STARD5: variants seen among roughly 807,000 people sequenced by gnomAD.
STARD5 encodes StAR related lipid transfer domain containing 5, also known as stAR-related lipid transfer protein 5.
STARD5 carries 26 observed loss-of-function variants against 24.6 expected under a neutral mutation model. The ratio of observed to expected loss-of-function variants is 1.06; its 90% CI spans 0.77 to 1.47. STARD5 has a LOEUF of 1.47. Among genes scored for constraint, STARD5 ranks in the 40% most tolerant of loss-of-function variants. The pLI is 0.00. For missense variants in STARD5, 254 were observed against 270.8 expected, an observed-to-expected ratio of 0.94 and a Z score of 0.44; for synonymous variants, 101 against 99.7, an observed-to-expected ratio of 1.01 and a Z score of -0.07.
At position 81,309,287 on chromosome 15, in the gene STARD5, C is replaced by T. The variant is rs1489940241; in HGVS notation, c.*3969G>A. 1 of 153,688 alleles carries T rather than the reference C, an allele frequency of 6.5e-6. No homozygotes were observed. The highest frequency in any genetic ancestry group is 2.4e-5 in the African/African-American group (1 of 41,490). The allele number at this position is 153,688 out of a possible 1,614,324, so 9.5% of individuals were successfully genotyped here. A position where few individuals can be genotyped will look rare whatever the true frequency, so the allele number is the denominator to read the frequency against. The stretch of plus-strand genomic sequence containing the variant: ...TGCAAAGGCTGGGACCACGTGAGAT[C>T]ATTCACTCATACATCTGGCCGTTGA... On this transcript the variant is annotated 3_prime_UTR_variant, in exon 6 of 6. Coordinates refer to ENST00000302824, the MANE Select transcript of STARD5 (RefSeq NM_181900.3).
intron 3 of STARD5, 80 bp from the exon 4 acceptor site, chr15:81,319,536 G>A (rs1260358997): frequency 1.1e-5 from 14 of 1,283,880 alleles, no homozygotes; most frequent in African/African-American, 2.9e-5. Context: ...CTCAAGGTCT[G>A]GGAAAGGTAC....
chr15:81,315,062 C>A (rs888412053), intron 5 of STARD5, among the ~76,000 whole-genome samples: 5 of 152,040 alleles, frequency 3.3e-5, no homozygotes, highest in African/African-American at 1.2e-4. Context: ...AGAGGGTGAA[C>A]TCCAGGGGAC....
chr15:81,311,965 C>T lies in STARD5; in HGVS notation c.*1291G>A, dbSNP rs1900879669. ...CATTTAAGAGACAGTCACCCCAGGACTCAAAAATAGGGAAGTAACAGTAAC... is the reference window on the plus strand; with the variant it reads ...CATTTAAGAGACAGTCACCCCAGGATTCAAAAATAGGGAAGTAACAGTAAC... On this transcript the variant is annotated 3_prime_UTR_variant, in exon 6 of 6. Coordinates refer to ENST00000302824, the MANE Select transcript of STARD5 (RefSeq NM_181900.3). The T allele has an allele frequency of 6.6e-6, 1 of 152,210 alleles. No homozygotes were observed. The highest frequency in any genetic ancestry group is 2.1e-4 in the South Asian group (1 of 4,830). 9.4% of individuals were successfully genotyped at this position (152,210 alleles called of 1,614,324 possible). A position where few individuals can be genotyped will look rare whatever the true frequency, so the allele number is the denominator to read the frequency against.
intron 3 of STARD5, among the ~76,000 whole-genome samples, chr15:81,321,608 CAAA>C (rs33955634): frequency 7.3e-6 from 1 of 137,786 alleles, no homozygotes; most frequent in African/African-American, 2.6e-5. Flanking sequence ...GATTCCGTCT[CAAA>C]AAAAAAAAAA....
At chr15:81,321,719 T>C (rs1405061901) in intron 3 of STARD5, among the ~76,000 whole-genome samples, 1 of 152,146 alleles carries the variant, frequency 6.6e-6, no homozygotes, top group Admixed American at 6.5e-5. Flanking sequence ...TAAACATGTA[T>C]TGTATTAGGA....
chr15:81,313,157 G>T lies in STARD5; in HGVS notation c.*99C>A. The T allele has an allele frequency of 7.3e-7, 1 of 1,361,500 alleles. No individual in the cohort carries two copies. Among genetic ancestry groups the T allele is most frequent in the Non-Finnish European group, 9.7e-7 (1 of 1,028,362 alleles). The allele number at this position is 1,361,500 out of a possible 1,614,324, so 84.3% of individuals were successfully genotyped here. ...AGTCCATCAGCTTGTTCCAAAGAGT[G>T]AACACAGGCCTCTGCGTGCTCCCAG... is the stretch of plus-strand genomic sequence containing the variant. On this transcript the variant is annotated 3_prime_UTR_variant, in exon 6 of 6. Coordinates refer to ENST00000302824, the MANE Select transcript of STARD5 (RefSeq NM_181900.3).
intron 3 of STARD5, among the ~76,000 whole-genome samples, chr15:81,321,744 C>A (rs1373927620): frequency 6.6e-6 from 1 of 152,050 alleles, no homozygotes; most frequent in East Asian, 1.9e-4. Flanking sequence ...ATTCAGAGGG[C>A]TATGTGGAAT....
chr15:81,317,673 C>T (rs936839838), intron 5 of STARD5, among the ~76,000 whole-genome samples: 20 of 152,180 alleles, frequency 1.3e-4, no homozygotes, highest in Admixed American at 6.5e-4. Context: ...GGTAGAAGGA[C>T]AGACCCCTTC....
At position 81,320,946 on chromosome 15, in the gene STARD5, C is replaced by T. The variant is rs148459129; in HGVS notation, c.282+1462G>A. On this transcript the variant is annotated intron_variant, in intron 3 of 5. Transcript: ENST00000302824. The stretch of plus-strand genomic sequence containing the variant: ...CATCCACCTATCATCGATCATCTAT[C>T]TATTTTAGAATTAGGATATTTGAGA... Among the ~76,000 whole-genome samples, 320 of 152,306 alleles carry T rather than the reference C, an allele frequency of 2.1e-3. 2 individuals are homozygous for T. The highest frequency in any genetic ancestry group is 7.3e-3 in the African/African-American group (305 of 41,562).
chr15:81,321,953 G>A (rs2141678234), intron 3 of STARD5, among the ~76,000 whole-genome samples: 1 of 152,344 alleles, frequency 6.6e-6, no homozygotes, highest in East Asian at 1.9e-4. Context: ...TAAACTAAAT[G>A]TTATTAATAG....
Position 81,311,375 on chromosome 15 carries a change from T to G in STARD5, c.*1881A>C, listed in dbSNP as rs543622594. The G allele has an allele frequency of 6.6e-6, 1 of 152,354 alleles. No homozygotes were observed. Among genetic ancestry groups the G allele is most frequent in the East Asian group, 1.9e-4 (1 of 5,188 alleles). 9.4% of individuals were successfully genotyped at this position (152,354 alleles called of 1,614,324 possible). A position where few individuals can be genotyped will look rare whatever the true frequency, so the allele number is the denominator to read the frequency against. ...GGTATTCCTGCCTCCATATTTTCTT[T>G]AAAAGACAAATCAAAGCAGATATAT... On this transcript the variant is annotated 3_prime_UTR_variant, in exon 6 of 6. Transcript: ENST00000302824.
chr15:81,322,596 G>C (rs186343583), intron 2 of STARD5, 56 bp from the exon 3 acceptor site: 1 of 1,612,142 alleles, frequency 6.2e-7, no homozygotes. Flanking sequence ...GTTATCTTGA[G>C]ATTGTATCTA....
chr15:81,317,351 T>C (rs775229464), intron 5 of STARD5, among the ~76,000 whole-genome samples: 9 of 152,178 alleles, frequency 5.9e-5, no homozygotes, highest in Non-Finnish European at 8.8e-5. Context: ...AATTCCTCTC[T>C]GTCAGACCCG....
intron 5 of STARD5, among the ~76,000 whole-genome samples, chr15:81,316,597 CA>C (rs1208366116): frequency 1.3e-5 from 2 of 152,190 alleles, no homozygotes; most frequent in Non-Finnish European, 2.9e-5. Context: ...GAAGTGCTTA[CA>C]ATAGTGGCTG....
intron 1 of STARD5, chr15:81,323,785 A>T: frequency 1.4e-6 from 1 of 708,574 alleles, no homozygotes; most frequent in South Asian, 1.7e-5. Context: ...CACTGAGTGA[A>T]AGGAACAGAT....
chr15:81,321,050 T>C (rs1447850006), intron 3 of STARD5, among the ~76,000 whole-genome samples: 2 of 152,226 alleles, frequency 1.3e-5, no homozygotes, highest in African/African-American at 4.8e-5. Flanking sequence ...CACTAAATGA[T>C]AAAGAGCTAC....
rs1272101870 is a variant in STARD5 at position 81,312,821 on chromosome 15, G to GC, written c.*434_*435insG. ...GCTGCAGCACAGGACTGAGGGAGCG[G>GC]TACATGCTTAAAAGGCAACAGGGCC... On this transcript the variant is annotated 3_prime_UTR_variant, in exon 6 of 6. Coordinates refer to ENST00000302824, the MANE Select transcript of STARD5 (RefSeq NM_181900.3). The GC allele has an allele frequency of 6.5e-6, 1 of 153,334 alleles. No individual in the cohort carries two copies. The highest frequency in any genetic ancestry group is 1.5e-5 in the Non-Finnish European group (1 of 68,618). 9.5% of individuals were successfully genotyped at this position (153,334 alleles called of 1,614,324 possible).
intron 5 of STARD5, among the ~76,000 whole-genome samples, chr15:81,315,979 C>T (rs1178611456): frequency 2.6e-5 from 4 of 152,128 alleles, no homozygotes; most frequent in African/African-American, 9.7e-5. Context: ...GGAAAGTCCC[C>T]AACAGGCTGC....
Position 81,323,983 on chromosome 15 carries a change from G to T in STARD5, c.99+18C>A. 6.3e-7 allele frequency: 1 copy of T among 1,576,542 alleles called. No individual in the cohort carries two copies. The highest frequency in any genetic ancestry group is 2.3e-5 in the East Asian group (1 of 43,152). The stretch of plus-strand genomic sequence containing the variant: ...GAAGCCGTCTCCGCGACCCCTTCCC[G>T]CCCAGCTCCTCACTCACGCCTTCCC... On this transcript the variant is annotated intron_variant, in intron 1 of 5. Transcript: ENST00000302824.
Sources: allele counts gnomAD v4.1 joint callset (sites outside exome capture counted in the v4.1 genomes callset), GRCh38; gene constraint gnomAD v4.1.1; transcripts MANE v1.5; gene names NCBI Gene and HGNC (gene_info 2026-07-23, HGNC 2026-07-21).